Variants in SHOC1 observed in about 807,000 individuals in gnomAD.
SHOC1 encodes protein shortage in chiasmata 1 ortholog.
In SHOC1, 136 loss-of-function variants were observed where a neutral mutation model predicts 179.2. The observed-to-expected ratio is 0.76, with a 90% confidence interval of 0.66 to 0.87. SHOC1 has a LOEUF of 0.87. Ranked by LOEUF, SHOC1 falls within the 40% of genes least tolerant of loss-of-function variation. The pLI, the probability that SHOC1 is intolerant of heterozygous loss-of-function variation, is 0.00. For synonymous variants in SHOC1, 489 were observed against 586.6 expected (o/e 0.83, Z 2.41); for missense variants, 1,538 against 1,700.8 (o/e 0.90, Z 1.68).
intron 14 of SHOC1, 117 bp from the exon 15 acceptor site, chr9:111,722,702 G>T: frequency 2.7e-6 from 2 of 752,300 alleles, no homozygotes; most frequent in Non-Finnish European, 4.0e-6. Flanking sequence ...TATTTTCTGA[G>T]TTAAAAATAA....
intron 8 of SHOC1, among the ~76,000 whole-genome samples, chr9:111,753,890 G>T (rs60322902): frequency 0.035 from 5,262 of 152,196 alleles, 320 homozygotes; most frequent in African/African-American, 0.12. Context: ...AGGGGCTAGG[G>T]TGTAGGGGAA....
chr9:111,729,904 T>A (rs1030725052), intron 12 of SHOC1, among the ~76,000 whole-genome samples: 2 of 115,370 alleles, frequency 1.7e-5, no homozygotes, highest in Non-Finnish European at 3.9e-5. Flanking sequence ...AAAAAAAAAA[T>A]TGGAGTCAAT....
At chr9:111,763,068 C>T (rs1835205272) in intron 5 of SHOC1, among the ~76,000 whole-genome samples, 1 of 151,710 alleles carries the variant, frequency 6.6e-6, no homozygotes, top group South Asian at 2.1e-4. Flanking sequence ...ATAGTAATGG[C>T]AGCTAAAATA....
At chr9:111,715,758 A>T (rs955320302) in intron 16 of SHOC1, among the ~76,000 whole-genome samples, 7 of 152,038 alleles carry the variant, frequency 4.6e-5, no homozygotes, top group African/African-American at 1.7e-4. Context: ...ACTTCTACTT[A>T]TTTTTTTAAA....
chr9:111,791,275 A>T, intron 2 of SHOC1, 99 bp downstream of exon 2: 1 of 559,104 alleles, frequency 1.8e-6, no homozygotes, highest in South Asian at 6.3e-5. Context: ...TTTGATCCTA[A>T]GCATTTCAGA....
chr9:111,758,663 A>G, intron 6 of SHOC1, 32 bp downstream of exon 6: 1 of 1,528,494 alleles, frequency 6.5e-7, no homozygotes, highest in African/African-American at 1.4e-5. Context: ...CCTCTTAAAA[A>G]TATTTACAGC....
rs769111015 is a variant in SHOC1, at chr9:111,758,095, A to G, written c.697T>C (p.Cys233Arg). ...FCQEKLEDTI[C>R]LNEPSSFLIE... Reference sequence around the variant, plus strand: ...GCCAGTATTACAACCTCATTTAAACATATTGTATCTTCTAGTTTCTCTTGA... The same window carrying G: ...GCCAGTATTACAACCTCATTTAAACGTATTGTATCTTCTAGTTTCTCTTGA... The change falls in exon 7 of 28, where the codon TGT becomes CGT. Residue 233 changes from cysteine (C) to arginine (R), a missense_variant. Cys to Arg is a radical substitution (Grantham distance 180). Coordinates refer to ENST00000682961, the MANE Select transcript of SHOC1 (RefSeq NM_001378211.1). 1.3e-6 allele frequency: 2 copies of G among 1,509,474 alleles called. No individual in the cohort carries two copies. Among genetic ancestry groups the G allele is most frequent in the Non-Finnish European group, 1.8e-6 (2 of 1,103,258 alleles). 93.5% of individuals were successfully genotyped at this position (1,509,474 alleles called of 1,614,324 possible).
intron 9 of SHOC1, among the ~76,000 whole-genome samples, chr9:111,747,848 G>A (rs188055235): frequency 1.3e-5 from 2 of 152,234 alleles, no homozygotes; most frequent in Admixed American, 1.3e-4. Flanking sequence ...GCCTCCCAAA[G>A]TGCTGGGATT....
At chr9:111,688,418 A>G (rs1381273039) in intron 27 of SHOC1, among the ~76,000 whole-genome samples, 1 of 152,190 alleles carries the variant, frequency 6.6e-6, no homozygotes, top group East Asian at 1.9e-4. Flanking sequence ...TAGTATCCAC[A>G]TGTGCAATTA....
chr9:111,723,894 A>G lies in SHOC1; in HGVS notation c.1852T>C (p.Leu618=), dbSNP rs1447336199. The change falls in exon 14 of 28, where the codon TTG becomes CTG. Residue 618 remains leucine (L), a synonymous_variant. Transcript: ENST00000682961. The part of the protein sequence containing the change: ...DEKHDKEACS[L]TLQEESPIVH... ...ATAGGACTTTCTTCTTGAAGTGTCA[A>G]AGAACATGCTTCTTTATCTTGAAAT... 1 of 1,556,896 alleles carries G rather than the reference A, an allele frequency of 6.4e-7. No homozygotes were observed.
At chr9:111,775,056 C>T (rs968434276) in intron 5 of SHOC1, among the ~76,000 whole-genome samples, 28 of 151,918 alleles carry the variant, frequency 1.8e-4, no homozygotes, top group South Asian at 6.3e-4. Context: ...AGTGCAGTGG[C>T]GCGATCTCGG....
In SHOC1 at chr9:111,738,124, T is replaced by C. The variant is rs887598079; in HGVS notation, c.1417+156A>G. The C allele has an allele frequency of 4.6e-5, 26 of 564,390 alleles. No homozygotes were observed. The African/African-American group carries it at 5.1e-4, about 11-fold the overall frequency. 35.0% of individuals were successfully genotyped at this position (564,390 alleles called of 1,614,324 possible). A position where few individuals can be genotyped will look rare whatever the true frequency, so the allele number is the denominator to read the frequency against. On this transcript the variant is annotated intron_variant, in intron 12 of 27. Coordinates refer to ENST00000682961, the MANE Select transcript of SHOC1 (RefSeq NM_001378211.1). The stretch of plus-strand genomic sequence containing the variant: ...ATCATTTTTTCAAGAAAATGGGACC[T>C]AGAGAAATCCAAAGTCATAAATTCT...
intron 4 of SHOC1, 71 bp downstream of exon 4, chr9:111,780,859 A>G (rs1836010703): frequency 3.0e-6 from 3 of 1,011,074 alleles, no homozygotes; most frequent in Non-Finnish European, 4.5e-6. Flanking sequence ...TTCCCTCTTT[A>G]GGTATCTGGA....
At chr9:111,748,661 TCTTC>T (rs1834401972) in intron 8 of SHOC1, among the ~76,000 whole-genome samples, 1 of 137,856 alleles carries the variant, frequency 7.3e-6, no homozygotes, top group Admixed American at 7.2e-5. Context: ...TCCCTCCCTC[TCTTC>T]CTTTTTTCCT....
chr9:111,715,028 A>G (rs745472566), intron 16 of SHOC1, among the ~76,000 whole-genome samples: 9 of 152,210 alleles, frequency 5.9e-5, no homozygotes, highest in Non-Finnish European at 1.0e-4. Context: ...ATTTATGTAT[A>G]TCACTTAGCC....
At chr9:111,759,969 T>C (rs758142038) in intron 5 of SHOC1, among the ~76,000 whole-genome samples, 3 of 152,234 alleles carry the variant, frequency 2.0e-5, no homozygotes, top group East Asian at 1.9e-4. Flanking sequence ...CAAAGGAAGT[T>C]AGTCAATCAA....
At chr9:111,705,170 TAC>T (rs112920989) in intron 21 of SHOC1, 75 bp downstream of exon 21, 5,393 of 489,706 alleles carry the variant, frequency 0.011, 120 homozygotes, top group African/African-American at 0.078. Flanking sequence ...AGAATATATA[TAC>T]ACACACACAC....
intron 5 of SHOC1, among the ~76,000 whole-genome samples, chr9:111,769,098 T>C (rs1302373629): frequency 6.6e-6 from 1 of 152,256 alleles, no homozygotes; most frequent in Non-Finnish European, 1.5e-5. Context: ...ATCCCTAGGA[T>C]GAATCCCACT....
intron 3 of SHOC1, among the ~76,000 whole-genome samples, chr9:111,783,019 T>G (rs1383175374): frequency 1.3e-5 from 2 of 152,204 alleles, no homozygotes; most frequent in African/African-American, 2.4e-5. Context: ...TCCTATCCCC[T>G]TTTACTCCTG....
Sources: gnomAD v4.1 joint callset for allele counts (sites outside exome capture counted in the v4.1 genomes callset) on GRCh38, gnomAD v4.1.1 for gene constraint, MANE v1.5 for transcripts, NCBI Gene and HGNC (gene_info 2026-07-23, HGNC 2026-07-21) for gene names.